The following ENTPD1 variants were observed in gnomAD, a reference collection of about 807,000 sequenced individuals.
The protein encoded by ENTPD1 is ATP diphosphohydrolase.
Under a neutral mutation model 57.0 loss-of-function variants are expected in ENTPD1, and 33 were observed. The ratio of observed to expected loss-of-function variants is 0.58; its 90% CI spans 0.44 to 0.77. The LOEUF is 0.77. ENTPD1 is among the 30% of genes least tolerant of loss of function. The pLI is 0.00. For synonymous variants in ENTPD1, 202 were observed against 218.8 expected (o/e 0.92, Z 0.68); for missense variants, 501 against 603.4 (o/e 0.83, Z 1.78).
Position 95,866,291 on chromosome 10 carries a change from A to G in ENTPD1, c.1441A>G (p.Met481Val), listed in dbSNP as rs1373770480. The change falls in exon 10 of 10, where the codon ATG (methionine) becomes GTG (valine). Residue 481 changes from methionine (M) to valine (V), a missense_variant. Physicochemically the swap from Met to Val is conservative, Grantham distance 21. Transcript: ENST00000371205. ...PLSHSTYVFL[M>V]VLFSLVLFTV... ...CTCCCACTCCACCTATGTCTTCCTCATGGTTCTATTCTCCCTGGTCCTTTT... is the reference window on the plus strand; with the variant it reads ...CTCCCACTCCACCTATGTCTTCCTCGTGGTTCTATTCTCCCTGGTCCTTTT... 2 of 1,614,050 alleles carry G rather than the reference A, an allele frequency of 1.2e-6. No homozygotes were observed. The highest frequency in any genetic ancestry group is 1.7e-6 in the Non-Finnish European group (2 of 1,179,994).
At chr10:95,707,172 CG>C (rs1274864047), upstream of ENTPD1, among the ~76,000 whole-genome samples, 1 of 152,100 alleles carries the variant, frequency 6.6e-6, no homozygotes. Flanking sequence ...AGCTGTTGGT[CG>C]TGGGGGCTGC....
At chr10:95,716,178 T>G (rs2097971307) in intron 1 of ENTPD1, among the ~76,000 whole-genome samples, 1 of 152,216 alleles carries the variant, frequency 6.6e-6, no homozygotes, top group African/African-American at 2.4e-5. Flanking sequence ...TTTTTAAGTA[T>G]ATTTTTAAAG....
chr10:95,786,508 C>T (rs779600146), intron 1 of ENTPD1, among the ~76,000 whole-genome samples: 1 of 152,132 alleles, frequency 6.6e-6, no homozygotes, highest in Non-Finnish European at 1.5e-5. Context: ...CCTGAGAAAG[C>T]GAACCCTGGT....
At chr10:95,860,807 G>C (rs1298783152) in intron 8 of ENTPD1, among the ~76,000 whole-genome samples, 2 of 152,170 alleles carry the variant, frequency 1.3e-5, no homozygotes, top group East Asian at 3.8e-4. Flanking sequence ...CTAATACAAA[G>C]TCTGGCAGTA....
At chr10:95,840,161 A>G (rs2098419533) in intron 3 of ENTPD1, among the ~76,000 whole-genome samples, 1 of 152,222 alleles carries the variant, frequency 6.6e-6, no homozygotes, top group Admixed American at 6.5e-5. Flanking sequence ...GAGGGCACTG[A>G]GGTTGAGAGA....
In ENTPD1 at chr10:95,873,800, C is replaced by T. The variant is rs2098483002; in HGVS notation, c.*7417C>T. 2 of 757,424 alleles carry T rather than the reference C, an allele frequency of 2.6e-6. No individual in the cohort carries two copies. Among genetic ancestry groups the T allele is most frequent in the African/African-American group, 3.8e-5 (2 of 52,682 alleles). 46.9% of individuals were successfully genotyped at this position (757,424 alleles called of 1,614,324 possible). A position where few individuals can be genotyped will look rare whatever the true frequency, so the allele number is the denominator to read the frequency against. ...CAGTTCCACATGGCTGGGGAGGCCT[C>T]AAAATCAGGTGGGAGGCAAAAGGTA... On this transcript the variant is annotated 3_prime_UTR_variant, in exon 10 of 10. Transcript: ENST00000371205.
At chr10:95,763,314 C>T (rs1301522726) in intron 1 of ENTPD1, among the ~76,000 whole-genome samples, 1 of 152,150 alleles carries the variant, frequency 6.6e-6, no homozygotes, top group Non-Finnish European at 1.5e-5. Context: ...AGTTTGACAT[C>T]ACATTTTTAT....
At chr10:95,866,134 C>G in intron 9 of ENTPD1, 43 bp from the exon 10 acceptor site, 1 of 1,587,314 alleles carries the variant, frequency 6.3e-7, no homozygotes, top group Non-Finnish European at 8.6e-7. Context: ...GATAACTCTT[C>G]TAACTCCTCC....
At chr10:95,827,919 T>C (rs1316432848) in intron 2 of ENTPD1, among the ~76,000 whole-genome samples, 1 of 152,238 alleles carries the variant, frequency 6.6e-6, no homozygotes, top group East Asian at 1.9e-4. Flanking sequence ...CCTGGTTAAA[T>C]AGCACAGGCC....
rs372676234 is a variant in ENTPD1 at position 95,820,425 on chromosome 10, A to C, written c.17-2812A>C. Among the ~76,000 whole-genome samples, 669 of 152,334 alleles carry C rather than the reference A, an allele frequency of 4.4e-3. 2 individuals carry two copies. The highest frequency in any genetic ancestry group is 0.02 in the Middle Eastern group (6 of 294). ...CTGGTAACCTGGATATCATTGCAAAAGCTGGGAAAATGTGGAAAAGTGTAC... is the reference window on the plus strand; with the variant it reads ...CTGGTAACCTGGATATCATTGCAAACGCTGGGAAAATGTGGAAAAGTGTAC... On this transcript the variant is annotated intron_variant, in intron 1 of 9. Coordinates refer to ENST00000371205, the MANE Select transcript of ENTPD1 (RefSeq NM_001776.6).
intron 1 of ENTPD1, among the ~76,000 whole-genome samples, chr10:95,734,092 A>C (rs1261336981): frequency 3.3e-5 from 5 of 152,178 alleles, no homozygotes; most frequent in African/African-American, 1.2e-4. Context: ...GCTGAGGCAA[A>C]GCCCCCTCAC....
At chr10:95,820,321 T>C (rs2098344933) in intron 1 of ENTPD1, among the ~76,000 whole-genome samples, 1 of 152,188 alleles carries the variant, frequency 6.6e-6, no homozygotes, top group Non-Finnish European at 1.5e-5. Context: ...ATTCCTAAAT[T>C]TTCTCTCTGA....
At chr10:95,809,989 C>CGGT (rs2098296449) in intron 1 of ENTPD1, among the ~76,000 whole-genome samples, 1 of 140,602 alleles carries the variant, frequency 7.1e-6, no homozygotes, top group Non-Finnish European at 1.5e-5. Flanking sequence ...CCAGAAAGGG[C>CGGT]GGCCGGGCAG....
intron 1 of ENTPD1, among the ~76,000 whole-genome samples, chr10:95,802,154 T>A (rs1236712799): frequency 6.6e-6 from 1 of 152,152 alleles, no homozygotes; most frequent in Non-Finnish European, 1.5e-5. Flanking sequence ...AAGAAATACA[T>A]TGGTTTGTTT....
upstream of ENTPD1, chr10:95,755,708 A>T (rs1469877155): frequency 2.6e-6 from 4 of 1,537,208 alleles, no homozygotes; most frequent in Admixed American, 7.8e-5. Flanking sequence ...ATGGGACCAG[A>T]GGCTTTATGG....
intron 1 of ENTPD1, among the ~76,000 whole-genome samples, chr10:95,800,279 C>T (rs535388808): frequency 1.4e-4 from 22 of 152,144 alleles, no homozygotes; most frequent in South Asian, 1.0e-3. Context: ...GACCCTGAGC[C>T]GCAAAACCAG....
rs57407553 is a variant in ENTPD1 at position 95,758,002 on chromosome 10, C to CAAAAAAAAAAAAAAAAAAAAAA, written c.16+1754_16+1775dup. ...CCTGGGCGAGAGTGAGACACTGTCT[C>CAAAAAAAAAAAAAAAAAAAAAA]AAAAAAAAAAAAAAAAAAAAAAAAA... is the stretch of plus-strand genomic sequence containing the variant. On this transcript the variant is annotated intron_variant, in intron 1 of 9. Coordinates refer to ENST00000371205, the MANE Select transcript of ENTPD1 (RefSeq NM_001776.6). Among the ~76,000 whole-genome samples, 72 of 26,384 alleles carry CAAAAAAAAAAAAAAAAAAAAAA rather than the reference C, an allele frequency of 2.7e-3. 2 individuals carry two copies. Among genetic ancestry groups the CAAAAAAAAAAAAAAAAAAAAAA allele is most frequent in the Middle Eastern group, 0.042 (2 of 48 alleles). 17.3% of individuals were successfully genotyped at this position (26,384 alleles called of 152,430 possible). A position where few individuals can be genotyped will look rare whatever the true frequency, so the allele number is the denominator to read the frequency against.
chr10:95,745,566 G>T (rs1250351247), intron 1 of ENTPD1, among the ~76,000 whole-genome samples: 3 of 152,116 alleles, frequency 2.0e-5, no homozygotes, highest in African/African-American at 7.2e-5. Flanking sequence ...ACTTGATGTG[G>T]GAGTAGGATA....
intron 8 of ENTPD1, among the ~76,000 whole-genome samples, chr10:95,863,038 T>C (rs2098467922): frequency 6.6e-6 from 1 of 152,064 alleles, no homozygotes; most frequent in Non-Finnish European, 1.5e-5. Context: ...CCCTCCCAAT[T>C]TGGAGAGCAC....
Sources: gnomAD v4.1 joint callset for allele counts (sites outside exome capture counted in the v4.1 genomes callset) on GRCh38, gnomAD v4.1.1 for gene constraint, MANE v1.5 for transcripts, NCBI Gene and HGNC (gene_info 2026-07-23, HGNC 2026-07-21) for gene names.